Variants in FER observed in about 807,000 individuals in gnomAD.
FER encodes tyrosine-protein kinase Fer.
In FER, 63 loss-of-function variants were observed where a neutral mutation model predicts 111.0. The observed-to-expected ratio is 0.57, with a 90% CI of 0.46 to 0.70. The LOEUF is 0.70. FER is among the 30% of genes least tolerant of loss of function. The probability of loss-of-function intolerance (pLI) is 0.00; values close to 1 mark genes in which losing one functional copy is unlikely to be tolerated. For synonymous variants in FER, 327 were observed against 313.9 expected (o/e 1.04, Z -0.44); for missense variants, 914 against 954.0 (o/e 0.96, Z 0.55).
intron 12 of FER, among the ~76,000 whole-genome samples, chr5:108,955,222 A>G (rs1012590633): frequency 6.6e-6 from 1 of 151,856 alleles, no homozygotes; most frequent in South Asian, 2.1e-4. Flanking sequence ...TTTTGAATTA[A>G]AACTAAAAAC....
At chr5:108,826,641 T>C (rs903744715) in intron 3 of FER, among the ~76,000 whole-genome samples, 1 of 152,258 alleles carries the variant, frequency 6.6e-6, no homozygotes, top group African/African-American at 2.4e-5. Context: ...TTCCCTCCTT[T>C]TCAGTTTTCT....
At chr5:109,055,626 T>G (rs1773520928) in intron 16 of FER, among the ~76,000 whole-genome samples, 1 of 149,380 alleles carries the variant, frequency 6.7e-6, no homozygotes, top group Non-Finnish European at 1.5e-5. Flanking sequence ...CTCTATGACT[T>G]TTTTTTTTAA....
At chr5:108,835,663 A>G (rs1760580692) in intron 4 of FER, 45 bp from the exon 5 acceptor site, 1 of 1,271,912 alleles carries the variant, frequency 7.9e-7, no homozygotes, top group Non-Finnish European at 1.1e-6. Context: ...GAGCAATTTA[A>G]ATTTAAACAA....
At chr5:108,830,945 A>T (rs1043282520) in intron 3 of FER, among the ~76,000 whole-genome samples, 3 of 152,194 alleles carry the variant, frequency 2.0e-5, no homozygotes, top group Non-Finnish European at 4.4e-5. Context: ...ACAATACAGG[A>T]TTCTATAGAT....
At chr5:109,175,118 GA>G (rs1561992332) in intron 17 of FER, among the ~76,000 whole-genome samples, 1 of 152,192 alleles carries the variant, frequency 6.6e-6, no homozygotes, top group Non-Finnish European at 1.5e-5. Context: ...ATATTCATGT[GA>G]AGAGAAAATT....
At position 109,018,293 on chromosome 5, in the gene FER, A is replaced by ATC. The variant is rs1405858885; in HGVS notation, c.1657-19129_1657-19128insTC. On this transcript the variant is annotated intron_variant, in intron 13 of 19. Coordinates refer to ENST00000281092, the MANE Select transcript of FER (RefSeq NM_005246.4). ...TGAGTGGTTTTGCTTTATCCTGCCC[A>ATC]CTTAGAAATAGATTGTCTTCTGATA... Among the ~76,000 whole-genome samples, 3 of 151,940 alleles carry ATC rather than the reference A, an allele frequency of 2.0e-5. No homozygotes were observed. The South Asian group carries it at 6.2e-4, about 31-fold the overall frequency.
chr5:108,928,900 C>CT (rs1218574166), intron 10 of FER, among the ~76,000 whole-genome samples: 1 of 152,016 alleles, frequency 6.6e-6, no homozygotes, highest in Non-Finnish European at 1.5e-5. Flanking sequence ...TAATCTGTGT[C>CT]TAATATTTTA....
chr5:109,013,632 C>G (rs1766621318), intron 13 of FER, among the ~76,000 whole-genome samples: 1 of 151,318 alleles, frequency 6.6e-6, no homozygotes, highest in Admixed American at 6.6e-5. Context: ...ATTTCTAGTT[C>G]TAGATCCCTG....
chr5:108,859,067 T>C (rs1454176764), intron 5 of FER, among the ~76,000 whole-genome samples: 1 of 152,146 alleles, frequency 6.6e-6, no homozygotes, highest in South Asian at 2.1e-4. Flanking sequence ...TTGTTAGATA[T>C]TGCCAAATTT....
At chr5:109,052,068 A>G in intron 16 of FER, 1 of 1,603,174 alleles carries the variant, frequency 6.2e-7, no homozygotes, top group Non-Finnish European at 8.5e-7. Context: ...TCTTTATCTC[A>G]ATCTGCTTCA....
At chr5:108,944,738 G>A (rs928494030) in intron 10 of FER, among the ~76,000 whole-genome samples, 1 of 151,326 alleles carries the variant, frequency 6.6e-6, no homozygotes, top group Non-Finnish European at 1.5e-5. Flanking sequence ...TGGTTGGCAT[G>A]TTTTATTAAC....
At chr5:108,965,758 C>A (rs1759726022) in intron 13 of FER, among the ~76,000 whole-genome samples, 1 of 152,098 alleles carries the variant, frequency 6.6e-6, no homozygotes, top group Non-Finnish European at 1.5e-5. Context: ...TTTCTATACT[C>A]CAATATTTTA....
chr5:108,859,870 A>T (rs1459522095), intron 5 of FER, among the ~76,000 whole-genome samples: 1 of 151,468 alleles, frequency 6.6e-6, no homozygotes, highest in African/African-American at 2.4e-5. Context: ...TGATAAATCA[A>T]ATTTTCTTAT....
At chr5:108,982,942 G>C (rs971130617) in intron 13 of FER, among the ~76,000 whole-genome samples, 1 of 151,512 alleles carries the variant, frequency 6.6e-6, no homozygotes, top group Non-Finnish European at 1.5e-5. Flanking sequence ...GTCTTAAATG[G>C]CATGCATACT....
chr5:108,961,280 A>G (rs1426248114), intron 13 of FER, among the ~76,000 whole-genome samples: 3 of 152,210 alleles, frequency 2.0e-5, no homozygotes, highest in African/African-American at 7.2e-5. Flanking sequence ...CATTGTCTAC[A>G]GGCTTAGCCA....
chr5:109,080,118 A>G (rs912206549), intron 16 of FER, among the ~76,000 whole-genome samples: 9 of 152,236 alleles, frequency 5.9e-5, no homozygotes, highest in South Asian at 2.1e-4. Flanking sequence ...GCATTTTTCT[A>G]TCTGCTTGCT....
At chr5:109,070,174 C>A (rs1253327990) in intron 16 of FER, among the ~76,000 whole-genome samples, 2 of 150,930 alleles carry the variant, frequency 1.3e-5, no homozygotes, top group African/African-American at 2.4e-5. Flanking sequence ...CCCTGCAAGT[C>A]CAGAAATAGC....
rs200991416 is a variant in FER, at chr5:108,898,626, CCTTT to C, written c.1236+783_1236+786del. ...CTCCCCTTTCCTTCCTTCCTTCCTT[CCTTT>C]CTTTTTCTTTTTCTTTCCTTTCTCT... is the stretch of plus-strand genomic sequence containing the variant. On this transcript the variant is annotated intron_variant, in intron 10 of 19. Transcript: ENST00000281092. Among the ~76,000 whole-genome samples the C allele has an allele frequency of 5.0e-3, 672 of 134,114 alleles. 9 individuals carry two copies. The highest frequency in any genetic ancestry group is 0.03 in the East Asian group (116 of 3,922). 88.0% of individuals were successfully genotyped at this position (134,114 alleles called of 152,430 possible). A position where few individuals can be genotyped will look rare whatever the true frequency, so the allele number is the denominator to read the frequency against.
At chr5:108,924,360 C>CAAAAAAAAAAAAAAAAA (rs59469649) in intron 10 of FER, among the ~76,000 whole-genome samples, 5 of 99,070 alleles carry the variant, frequency 5.0e-5, no homozygotes, top group African/African-American at 1.9e-4. Flanking sequence ...AACTCTGTCT[C>CAAAAAAAAAAAAAAAAA]AAAAAAAAAA....
Sources: gnomAD v4.1 joint callset for allele counts (sites outside exome capture counted in the v4.1 genomes callset) on GRCh38, gnomAD v4.1.1 for gene constraint, MANE v1.5 for transcripts, NCBI Gene and HGNC (gene_info 2026-07-23, HGNC 2026-07-21) for gene names.